TRHDE: variants seen among roughly 807,000 people sequenced by gnomAD.
TRHDE encodes thyrotropin releasing hormone degrading enzyme, also known as thyrotropin-releasing hormone-degrading ectoenzyme.
In TRHDE, 72 loss-of-function variants were observed where a neutral mutation model predicts 125.7. That is an observed-to-expected ratio of 0.57 (90% CI 0.47 to 0.70). TRHDE has a LOEUF of 0.70. Ranked by LOEUF, TRHDE falls within the 30% of genes least tolerant of loss-of-function variation. TRHDE has a pLI of 0.00. For synonymous variants in TRHDE, 509 were observed against 509.1 expected (o/e 1.00, Z 0.00); for missense variants, 1,110 against 1,327.1 (o/e 0.84, Z 2.54).
chr12:72,572,938 C>G (rs571290846), intron 10 of TRHDE, among the ~76,000 whole-genome samples: 68 of 151,970 alleles, frequency 4.5e-4, no homozygotes, highest in African/African-American at 1.3e-3. Context: ...CCATTTCAAA[C>G]TTGTAAAAAT....
intron 2 of TRHDE, among the ~76,000 whole-genome samples, chr12:72,135,395 A>T (rs1875961375): frequency 6.6e-6 from 1 of 152,154 alleles, no homozygotes; most frequent in Non-Finnish European, 1.5e-5. Context: ...TCCATTGGTG[A>T]CATGGAGACA....
chr12:72,364,335 T>G (rs192569948), intron 2 of TRHDE, among the ~76,000 whole-genome samples: 28 of 152,210 alleles, frequency 1.8e-4, no homozygotes, highest in African/African-American at 6.7e-4. Context: ...ACATCCTCAC[T>G]TTATATTTTT....
intron 5 of TRHDE, among the ~76,000 whole-genome samples, chr12:72,477,842 T>A (rs1183930814): frequency 6.6e-6 from 1 of 152,178 alleles, no homozygotes; most frequent in Non-Finnish European, 1.5e-5. Context: ...ATAGGTGTCA[T>A]TATAATTTGT....
rs78002679 is a variant in TRHDE, at chr12:72,398,925, C to T, written c.1315+20804C>T. 2.6e-3 allele frequency among the ~76,000 whole-genome samples: 401 copies of T among 152,220 alleles called. 2 individuals carry two copies. Among genetic ancestry groups the T allele is most frequent in the African/African-American group, 9.1e-3 (377 of 41,538 alleles). On this transcript the variant is annotated intron_variant, in intron 3 of 18. Coordinates refer to ENST00000261180, the MANE Select transcript of TRHDE (RefSeq NM_013381.3). ...AAATTAAAACTCTAAGGCAGGGTTC[C>T]CCAACCCCCAGGCTGGTGCCAGTCC...
chr12:72,394,898 C>T (rs1872732990), intron 3 of TRHDE, among the ~76,000 whole-genome samples: 1 of 152,122 alleles, frequency 6.6e-6, no homozygotes, highest in Non-Finnish European at 1.5e-5. Context: ...CATATTTCAC[C>T]AAATGGTGTT....
At chr12:72,267,762 C>T (rs192520097), upstream of TRHDE, among the ~76,000 whole-genome samples, 470 of 152,162 alleles carry the variant, frequency 3.1e-3, 2 homozygotes, top group Middle Eastern at 0.017. Flanking sequence ...GATGTAAATT[C>T]CATTGAGATT....
chr12:72,342,923 G>A (rs1255205370), intron 2 of TRHDE, among the ~76,000 whole-genome samples: 5 of 152,100 alleles, frequency 3.3e-5, no homozygotes, highest in Non-Finnish European at 7.4e-5. Flanking sequence ...TATGTGGCAG[G>A]CACTGTTGTG....
chr12:72,276,083 ACTTT>A (rs1879477723), intron 1 of TRHDE, among the ~76,000 whole-genome samples: 1 of 152,132 alleles, frequency 6.6e-6, no homozygotes, highest in South Asian at 2.1e-4. Context: ...AGTTATGCAA[ACTTT>A]CTATTTATTA....
intron 6 of TRHDE, among the ~76,000 whole-genome samples, chr12:72,533,187 T>TG (rs572213356): frequency 9.3e-4 from 141 of 152,176 alleles, no homozygotes; most frequent in African/African-American, 3.1e-3. Context: ...TTTTTTTTTT[T>TG]GTTTGAGATG....
At chr12:72,247,937 A>G (rs1051570273) in intron 2 of TRHDE, among the ~76,000 whole-genome samples, 7 of 152,090 alleles carry the variant, frequency 4.6e-5, no homozygotes, top group African/African-American at 1.2e-4. Context: ...TCTATCATCT[A>G]TCTTTTTATC....
chr12:72,560,420 A>G (rs1870122503), intron 7 of TRHDE: 1 of 152,250 alleles, frequency 6.6e-6, no homozygotes, highest in South Asian at 2.1e-4. Flanking sequence ...TGGATTTTAT[A>G]GTATTCCTTT....
chr12:72,091,610 T>TTC (rs1874792278), intron 1 of TRHDE, among the ~76,000 whole-genome samples: 1 of 152,116 alleles, frequency 6.6e-6, no homozygotes, highest in Admixed American at 6.5e-5. Context: ...TCAAGAAGAA[T>TTC]ATTGTTGGAG....
chr12:72,427,394 G>A (rs1874235572), intron 3 of TRHDE, among the ~76,000 whole-genome samples: 1 of 152,136 alleles, frequency 6.6e-6, no homozygotes, highest in Non-Finnish European at 1.5e-5. Context: ...GGGTAGGGCT[G>A]TAAGTCATTT....
At position 72,597,711 on chromosome 12, in the gene TRHDE, A is replaced by G. The variant is rs77533095; in HGVS notation, c.2322-21180A>G. Among the ~76,000 whole-genome samples the G allele has an allele frequency of 5.0e-3, 146 of 29,294 alleles. 14 individuals carry two copies. Among genetic ancestry groups the G allele is most frequent in the African/African-American group, 0.04 (141 of 3,500 alleles). 19.2% of individuals were successfully genotyped at this position (29,294 alleles called of 152,430 possible). On this transcript the variant is annotated intron_variant, in intron 12 of 18. Coordinates refer to ENST00000261180, the MANE Select transcript of TRHDE (RefSeq NM_013381.3). ...GAGAGGTATATATATGTGTGTGTGTATGTATATATATATATATATATATAT... is the reference window on the plus strand; with the variant it reads ...GAGAGGTATATATATGTGTGTGTGTGTGTATATATATATATATATATATAT...
intron 15 of TRHDE, 99 bp downstream of exon 15, chr12:72,621,850 A>C: frequency 1.1e-6 from 1 of 924,016 alleles, no homozygotes; most frequent in Non-Finnish European, 1.6e-6. Flanking sequence ...AAACAAGATA[A>C]GGAAAAACAA....
At chr12:72,293,665 A>G (rs1321422707) in intron 2 of TRHDE, among the ~76,000 whole-genome samples, 2 of 152,164 alleles carry the variant, frequency 1.3e-5, no homozygotes, top group Admixed American at 6.5e-5. Context: ...GCTTGAGTCA[A>G]TGATCATTGC....
At chr12:72,238,537 C>T (rs1188014941) in intron 2 of TRHDE, among the ~76,000 whole-genome samples, 1 of 150,898 alleles carries the variant, frequency 6.6e-6, no homozygotes, top group African/African-American at 2.4e-5. Flanking sequence ...TGCTATCCCT[C>T]CCCTAGCCCC....
chr12:72,196,038 T>C (rs931351403), intron 2 of TRHDE, among the ~76,000 whole-genome samples: 8 of 152,146 alleles, frequency 5.3e-5, no homozygotes, highest in African/African-American at 1.9e-4. Context: ...TGGCTGTAGG[T>C]GTGCAGCTTT....
intron 2 of TRHDE, among the ~76,000 whole-genome samples, chr12:72,156,337 G>T: frequency 6.6e-6 from 1 of 152,198 alleles, no homozygotes; most frequent in East Asian, 1.9e-4. Flanking sequence ...GACCCCTTGC[G>T]CTTCCCGGAT....
Sources: gnomAD v4.1 joint callset for allele counts (sites outside exome capture counted in the v4.1 genomes callset) on GRCh38, gnomAD v4.1.1 for gene constraint, MANE v1.5 for transcripts, NCBI Gene and HGNC (gene_info 2026-07-23, HGNC 2026-07-21) for gene names.